The following CEP290 variants were observed in gnomAD, a reference collection of about 807,000 sequenced individuals.
The protein encoded by CEP290 is centrosomal protein of 290 kDa.
Under a neutral mutation model 344.9 loss-of-function variants are expected in CEP290, and 317 were observed. The observed-to-expected ratio is 0.92, with a 90% confidence interval of 0.84 to 1.01. CEP290 has a LOEUF of 1.01. Ranked by LOEUF, CEP290 falls within the 50% of genes least tolerant of loss-of-function variation. The probability of loss-of-function intolerance (pLI) is 0.00; values close to 1 mark genes in which losing one functional copy is unlikely to be tolerated. For synonymous variants in CEP290, 932 were observed against 895.8 expected, an observed-to-expected ratio of 1.04 and a Z score of -0.72; for missense variants, 2,754 against 2,761.4, an observed-to-expected ratio of 1.00 and a Z score of 0.06.
At chr12:88,133,067 T>A (rs939791459) in intron 6 of CEP290, among the ~76,000 whole-genome samples, 5 of 150,710 alleles carry the variant, frequency 3.3e-5, no homozygotes, top group African/African-American at 7.3e-5. Flanking sequence ...CATGATCTTG[T>A]TCCGGTTTTT....
chr12:88,050,298 AAT>A (rs2033371075), intron 53 of CEP290, 54 bp downstream of exon 53: 1 of 829,270 alleles, frequency 1.2e-6, no homozygotes, highest in Non-Finnish European at 2.0e-6. Flanking sequence ...TGGTAATGAA[AAT>A]AGTTTTCAAC....
intron 41 of CEP290, among the ~76,000 whole-genome samples, chr12:88,075,579 T>C (rs1278092802): frequency 1.3e-5 from 2 of 151,840 alleles, no homozygotes; most frequent in Admixed American, 6.6e-5. Context: ...GACAAGTACA[T>C]GTCTAGTATG....
chr12:88,051,100 A>G (rs550937689), intron 52 of CEP290, among the ~76,000 whole-genome samples: 111 of 152,184 alleles, frequency 7.3e-4, no homozygotes, highest in Non-Finnish European at 1.3e-3. Flanking sequence ...ACTACATTTA[A>G]TAAGTCATAT....
chr12:88,064,250 G>A (rs2034717144), intron 44 of CEP290, 135 bp from the exon 45 acceptor site: 1 of 670,954 alleles, frequency 1.5e-6, no homozygotes, highest in African/African-American at 1.9e-5. Flanking sequence ...GAGTGTTCTG[G>A]TGAAAGCCAA....
At chr12:88,136,929 C>CT (rs112841615) in intron 5 of CEP290, 143 bp from the exon 6 acceptor site, 7,667 of 622,440 alleles carry the variant, frequency 0.012, no homozygotes, top group East Asian at 0.016. Flanking sequence ...AGCTTAAGAA[C>CT]TTTTTTTTTT....
chr12:88,077,618 A>G, intron 40 of CEP290, 79 bp downstream of exon 40: 1 of 890,518 alleles, frequency 1.1e-6, no homozygotes, highest in Non-Finnish European at 1.7e-6. Flanking sequence ...CAAATACCAT[A>G]GATAAAATGA....
chr12:88,068,586 T>C lies in CEP290; in HGVS notation c.6071A>G (p.Tyr2024Cys). The change falls in exon 44 of 54, where the codon TAC (tyrosine) becomes TGC (cysteine). Residue 2024 changes from tyrosine to cysteine, a missense_variant. Physicochemically the swap from Tyr to Cys is radical, Grantham distance 194. Coordinates refer to ENST00000552810, the MANE Select transcript of CEP290 (RefSeq NM_025114.4). ...VVEDLHLQNR[Y>C]LQEKLHALEK... Reference sequence around the variant, plus strand: ...TAAAGCATGAAGTTTTTCTTGGAGGTATCTATTTTGTAAATGTAAATCTTC... The same window carrying C: ...TAAAGCATGAAGTTTTTCTTGGAGGCATCTATTTTGTAAATGTAAATCTTC... 6.3e-7 allele frequency: 1 copy of C among 1,589,868 alleles called. No homozygotes were observed. Among genetic ancestry groups the C allele is most frequent in the Non-Finnish European group, 8.5e-7 (1 of 1,170,960 alleles).
At chr12:88,091,141 T>G (rs2037005141) in intron 29 of CEP290, among the ~76,000 whole-genome samples, 1 of 152,168 alleles carries the variant, frequency 6.6e-6, no homozygotes, top group Non-Finnish European at 1.5e-5. Flanking sequence ...CAAATCATAC[T>G]TACTATATAG....
intron 41 of CEP290, among the ~76,000 whole-genome samples, chr12:88,076,967 G>T (rs2035825538): frequency 6.6e-6 from 1 of 151,998 alleles, no homozygotes; most frequent in African/African-American, 2.4e-5. Flanking sequence ...TCAGAAAGAT[G>T]AATGAAATTG....
intron 24 of CEP290, 39 bp from the exon 25 acceptor site, chr12:88,106,944 C>T: frequency 6.4e-7 from 1 of 1,561,420 alleles, no homozygotes; most frequent in Non-Finnish European, 8.7e-7. Context: ...TTGAATCTAG[C>T]TATCCTACTT....
In CEP290 at chr12:88,077,322, T is replaced by C. The variant is rs1182900230; in HGVS notation, c.5609A>G (p.Lys1870Arg). Residue 1870 changes from lysine (K) to arginine (R), a missense_variant, in exon 41 of 54, where the codon AAA becomes AGA. Lys to Arg is a conservative substitution (Grantham distance 26). Transcript: ENST00000552810. ...TTGGAGTTCTTCAATTAGACTTTGTTTATTATCTGTCAGGGGTTTGCCCTA... is the reference window on the plus strand; with the variant it reads ...TTGGAGTTCTTCAATTAGACTTTGTCTATTATCTGTCAGGGGTTTGCCCTA... Reference protein sequence around the residue: ...GLQGKPLTDNKQSLIEELQRK... With the variant: ...GLQGKPLTDNRQSLIEELQRK... The C allele has an allele frequency of 1.3e-6, 2 of 1,573,106 alleles. No homozygotes were observed. Among genetic ancestry groups the C allele is most frequent in the Non-Finnish European group, 1.7e-6 (2 of 1,156,566 alleles).
At chr12:88,106,116 GA>G (rs769331743) in intron 25 of CEP290, among the ~76,000 whole-genome samples, 1 of 152,102 alleles carries the variant, frequency 6.6e-6, no homozygotes, top group East Asian at 1.9e-4. Context: ...AGATACTCTT[GA>G]AGTGATGCAA....
chr12:88,078,933 G>A (rs1045965090), intron 39 of CEP290, among the ~76,000 whole-genome samples, 159 bp downstream of exon 39: 1 of 152,046 alleles, frequency 6.6e-6, no homozygotes, highest in African/African-American at 2.4e-5. Flanking sequence ...ATCATAAAGA[G>A]ACTTATTGTT....
chr12:88,120,006 G>T, intron 15 of CEP290, 108 bp downstream of exon 15: 73 of 591,612 alleles, frequency 1.2e-4, no homozygotes, highest in East Asian at 3.1e-4. Context: ...AAAAGCATTT[G>T]AAAAAAGCAT....
At chr12:88,130,644 GA>G (rs1385547658) in intron 7 of CEP290, 79 bp from the exon 8 acceptor site, 1 of 1,336,120 alleles carries the variant, frequency 7.5e-7, no homozygotes, top group Non-Finnish European at 9.8e-7. Flanking sequence ...AGAAACTAAA[GA>G]AAACAAAAAA....
intron 18 of CEP290, 28 bp from the exon 19 acceptor site, chr12:88,115,210 AT>A (rs760100394): frequency 6.7e-6 from 8 of 1,185,328 alleles, no homozygotes; most frequent in South Asian, 1.4e-5. Context: ...AATAAAATTG[AT>A]TTTTTTCAAC....
At chr12:88,096,826 A>C (rs945641283) in intron 27 of CEP290, 62 bp downstream of exon 27, 1 of 849,456 alleles carries the variant, frequency 1.2e-6, no homozygotes, top group Non-Finnish European at 1.8e-6. Context: ...AAGGAACTTT[A>C]AATAAGAAAT....
Position 88,083,202 on chromosome 12 carries a change from A to T in CEP290, c.4841T>A (p.Val1614Asp). ...ACGAATAAAATGCTTGTTGGTAGGA[A>T]CTGGAGTGGGAGACTGTTTCATTAA... ...WDLMKQSPTP[V>D]PTNKHFIRLA... The change falls in exon 37 of 54, where the codon GTT becomes GAT. Residue 1614 changes from valine to aspartate, a missense_variant. Physicochemically the swap from Val to Asp is radical, Grantham distance 152 (BLOSUM62 -3). Coordinates refer to ENST00000552810, the MANE Select transcript of CEP290 (RefSeq NM_025114.4). The T allele has an allele frequency of 6.6e-7, 1 of 1,511,254 alleles. No homozygotes were observed. Among genetic ancestry groups the T allele is most frequent in the Non-Finnish European group, 8.8e-7 (1 of 1,134,024 alleles). 93.6% of individuals were successfully genotyped at this position (1,511,254 alleles called of 1,614,324 possible). A position where few individuals can be genotyped will look rare whatever the true frequency, so the allele number is the denominator to read the frequency against.
rs778517756 is a variant in CEP290 at position 88,084,631 on chromosome 12, T to G, written c.4659A>C (p.Glu1553Asp). 1.9e-6 allele frequency: 3 copies of G among 1,613,220 alleles called. No individual in the cohort carries two copies. The South Asian group carries it at 3.3e-5, about 18-fold the overall frequency. ...GACGTTGATACTTCTTTAATACTTC[T>G]TCTTTTTGATTTAACCTTGCTTGCA... ...ANMQARLNQK[E>D]EVLKKYQRLL... is the part of the protein sequence containing the mutation. Residue 1553 changes from glutamate (E) to aspartate (D), a missense_variant, in exon 35 of 54, where the codon GAA (glutamate) becomes GAC (aspartate). Transcript: ENST00000552810.
Sources: gnomAD v4.1 joint callset for allele counts (sites outside exome capture counted in the v4.1 genomes callset) on GRCh38, gnomAD v4.1.1 for gene constraint, MANE v1.5 for transcripts, NCBI Gene and HGNC (gene_info 2026-07-23, HGNC 2026-07-21) for gene names.